Variants in RIN2 observed in about 807,000 individuals in gnomAD.
RIN2 encodes RAB5 interacting protein 2.
Under a neutral mutation model 78.0 loss-of-function variants are expected in RIN2, and 36 were observed. That is an observed-to-expected ratio of 0.46 (90% CI 0.35 to 0.61). The LOEUF (loss-of-function observed/expected upper bound fraction) is 0.61. Among genes scored for constraint, RIN2 ranks in the 20% least tolerant of loss-of-function variants. The pLI is 0.00. For synonymous variants in RIN2, 466 were observed against 466.8 expected (o/e 1.00, Z 0.02); for missense variants, 1,087 against 1,159.7 (o/e 0.94, Z 0.91).
chr20:19,768,421 C>T (rs2033980533), intron 1 of RIN2, among the ~76,000 whole-genome samples: 1 of 152,236 alleles, frequency 6.6e-6, no homozygotes, highest in African/African-American at 2.4e-5. Flanking sequence ...TCTACCCCTG[C>T]ATCAGTCAGA....
In RIN2 at chr20:19,975,003, C is replaced by A. The variant is rs2042228049; in HGVS notation, c.978C>A (p.Ala326=). Residue 326 remains alanine, a synonymous_variant, in exon 9 of 13, where the codon GCC becomes GCA. Coordinates refer to ENST00000255006, the MANE Select transcript of RIN2 (RefSeq NM_018993.4). The surrounding 1 kb of genome is among the most constrained non-coding windows in gnomAD (Gnocchi z 4.9). The stretch of plus-strand genomic sequence containing the variant: ...GTCTCCACACAAGCCCTCGGCTGGC[C>A]AGGACTGAAACCCAGACGAGCATGC... The part of the protein sequence containing the change: ...INSLHTSPRL[A]RTETQTSMPE... 1.2e-6 allele frequency: 2 copies of A among 1,613,180 alleles called. No individual in the cohort carries two copies. Among genetic ancestry groups the A allele is most frequent in the South Asian group, 2.2e-5 (2 of 91,054 alleles).
intron 2 of RIN2, among the ~76,000 whole-genome samples, chr20:19,866,974 C>T (rs1020189433): frequency 3.3e-5 from 5 of 151,278 alleles, no homozygotes; most frequent in Non-Finnish European, 5.9e-5. Context: ...TGTGCGAAAA[C>T]GTTAAACCAT....
At chr20:19,943,304 T>C (rs1278030009) in intron 4 of RIN2, among the ~76,000 whole-genome samples, 1 of 152,208 alleles carries the variant, frequency 6.6e-6, no homozygotes, top group African/African-American at 2.4e-5. Flanking sequence ...CCACTTTTTC[T>C]TACCTCCCGA....
chr20:19,901,130 T>A (rs572789113), intron 3 of RIN2, among the ~76,000 whole-genome samples: 1 of 152,038 alleles, frequency 6.6e-6, no homozygotes, highest in African/African-American at 2.4e-5. Flanking sequence ...ACAAAAAGCA[T>A]AGAAACGTCT....
intron 1 of RIN2, among the ~76,000 whole-genome samples, chr20:19,777,413 C>T (rs754382186): frequency 3.3e-5 from 5 of 152,266 alleles, no homozygotes; most frequent in Non-Finnish European, 7.3e-5. Flanking sequence ...TTCAGAACTT[C>T]AGCTCTGCAT....
intron 1 of RIN2, among the ~76,000 whole-genome samples, chr20:19,758,949 G>A (rs976456436): frequency 6.6e-6 from 1 of 152,220 alleles, no homozygotes; most frequent in Non-Finnish European, 1.5e-5. Context: ...GGGCTGTCGC[G>A]GTGATTGATG....
At chr20:19,912,784 T>C (rs1353946771) in intron 3 of RIN2, among the ~76,000 whole-genome samples, 1 of 152,192 alleles carries the variant, frequency 6.6e-6, no homozygotes, top group African/African-American at 2.4e-5. Flanking sequence ...CACGCCGGGA[T>C]GGTCATTTCT....
At chr20:19,958,144 C>T (rs1343581762) in intron 5 of RIN2, among the ~76,000 whole-genome samples, 2 of 152,228 alleles carry the variant, frequency 1.3e-5, no homozygotes, top group Admixed American at 1.3e-4. Flanking sequence ...CTTTATTCCT[C>T]ATCAGGCAGA....
intron 12 of RIN2, 49 bp from the exon 13 acceptor site, chr20:20,000,564 T>C: frequency 7.0e-7 from 1 of 1,438,298 alleles, no homozygotes; most frequent in Non-Finnish European, 9.6e-7. Context: ...TCATGCTCAC[T>C]ATCTAGTTTT....
chr20:19,822,485 G>C (rs958181384), intron 2 of RIN2, among the ~76,000 whole-genome samples: 4 of 152,166 alleles, frequency 2.6e-5, no homozygotes, highest in Admixed American at 6.6e-5. Context: ...CAGATATCCT[G>C]ATTTCATCTT....
At chr20:19,760,786 C>A (rs925203873) in intron 1 of RIN2, among the ~76,000 whole-genome samples, 7 of 152,156 alleles carry the variant, frequency 4.6e-5, no homozygotes, top group African/African-American at 1.7e-4. Context: ...ACCTAATGAA[C>A]CTTCAAGAAT....
chr20:19,974,765 A>G lies in RIN2; in HGVS notation c.740A>G (p.Asn247Ser). The change falls in exon 9 of 13, where the codon AAT becomes AGT. Residue 247 changes from asparagine to serine, a missense_variant. Coordinates refer to ENST00000255006, the MANE Select transcript of RIN2 (RefSeq NM_018993.4). ...TCCCTGCGTCAGCTCTGCCTTATAA[A>G]TGGAGTGCATTCTATCAAAACCAGG... ...PASLRQLCLINGVHSIKTRTP... is the reference protein window; with the variant it reads ...PASLRQLCLISGVHSIKTRTP... 1 of 1,613,980 alleles carries G rather than the reference A, an allele frequency of 6.2e-7. No homozygotes were observed. The highest frequency in any genetic ancestry group is 8.5e-7 in the Non-Finnish European group (1 of 1,179,894).
At chr20:19,777,189 C>T (rs1018945977) in intron 1 of RIN2, among the ~76,000 whole-genome samples, 5 of 152,154 alleles carry the variant, frequency 3.3e-5, no homozygotes, top group African/African-American at 1.2e-4. Context: ...ACTGTGTGCT[C>T]AGGGCCAAAG....
chr20:19,826,799 G>T (rs1226805598), intron 2 of RIN2, among the ~76,000 whole-genome samples: 1 of 151,990 alleles, frequency 6.6e-6, no homozygotes, highest in Non-Finnish European at 1.5e-5. Flanking sequence ...CTGTGTGCAG[G>T]CATTTAACTA....
intron 2 of RIN2, among the ~76,000 whole-genome samples, chr20:19,824,191 A>T (rs889156573): frequency 6.6e-6 from 1 of 152,198 alleles, no homozygotes; most frequent in Non-Finnish European, 1.5e-5. Context: ...TTCCTGTAAG[A>T]ACAAGCCTAC....
chr20:19,764,918 G>GT (rs10605325), intron 1 of RIN2, among the ~76,000 whole-genome samples: 4,297 of 50,152 alleles, frequency 0.086, 1,129 homozygotes, highest in Middle Eastern at 0.17. Context: ...CACTTTCTGC[G>GT]TTTTTTTTTT....
At chr20:19,774,301 G>A (rs1042348033) in intron 1 of RIN2, among the ~76,000 whole-genome samples, 3 of 152,212 alleles carry the variant, frequency 2.0e-5, no homozygotes, top group South Asian at 4.1e-4. Context: ...GGATGATGGA[G>A]TTGCATAAAG....
intron 1 of RIN2, among the ~76,000 whole-genome samples, chr20:19,775,494 T>A (rs1252620803): frequency 6.6e-6 from 1 of 152,206 alleles, no homozygotes; most frequent in Non-Finnish European, 1.5e-5. Context: ...GGACACCACC[T>A]GATTTCAAAA....
At chr20:19,968,471 A>G (rs2042007123) in intron 7 of RIN2, among the ~76,000 whole-genome samples, 1 of 152,060 alleles carries the variant, frequency 6.6e-6, no homozygotes. Context: ...GTGTGCATGC[A>G]TGTGCATGTG....
Sources: allele counts gnomAD v4.1 joint callset (sites outside exome capture counted in the v4.1 genomes callset), GRCh38; gene constraint gnomAD v4.1.1; non-coding constraint Gnocchi (gnomAD v3.1); transcripts MANE v1.5; gene names NCBI Gene and HGNC (gene_info 2026-07-23, HGNC 2026-07-21).